KLF7: variants seen among roughly 807,000 people sequenced by gnomAD.
KLF7 encodes the protein Krueppel-like factor 7.
A neutral mutation model predicts 27.3 loss-of-function variants in KLF7; 2 were observed. The observed-to-expected ratio is 0.07, with a 90% CI of 0.03 to 0.23. The LOEUF is 0.23. Among genes scored for constraint, KLF7 ranks in the 10% least tolerant of loss-of-function variants. The pLI is 1.00. For missense variants in KLF7, 221 were observed against 394.1 expected (o/e 0.56, Z 3.72); for synonymous variants, 165 against 162.4 (o/e 1.02, Z -0.12).
chr2:207,093,986 A>G (rs1381397245), intron 2 of KLF7, among the ~76,000 whole-genome samples: 2 of 152,214 alleles, frequency 1.3e-5, no homozygotes, highest in Non-Finnish European at 2.9e-5. Context: ...ACTTCCTGTA[A>G]CTTAATCTCA....
chr2:207,161,693 C>T (rs1217563316), intron 1 of KLF7, among the ~76,000 whole-genome samples: 1 of 152,168 alleles, frequency 6.6e-6, no homozygotes, highest in East Asian at 1.9e-4. Context: ...CTAGAGATTC[C>T]TTATACCAAA....
chr2:207,134,933 A>G (rs555804392), intron 1 of KLF7, among the ~76,000 whole-genome samples: 1 of 152,240 alleles, frequency 6.6e-6, no homozygotes, highest in Admixed American at 6.5e-5. Context: ...CTGGGCATGC[A>G]CACTCTGTAT....
In KLF7 at chr2:207,165,783, G is replaced by C; in HGVS notation, c.-215C>G. 1.4e-6 allele frequency: 2 copies of C among 1,429,700 alleles called. No individual in the cohort carries two copies. The allele number at this position is 1,429,700 out of a possible 1,614,324, so 88.6% of individuals were successfully genotyped here. ...GAGGAGCGAGTGAGTGGGGTGGATGGAGAGAGGCATCCAGCGTGTACAGTG... is the reference window on the plus strand; with the variant it reads ...GAGGAGCGAGTGAGTGGGGTGGATGCAGAGAGGCATCCAGCGTGTACAGTG... On this transcript the variant is annotated 5_prime_UTR_variant, in exon 1 of 4. Coordinates refer to ENST00000309446, the MANE Select transcript of KLF7 (RefSeq NM_003709.4).
intron 2 of KLF7, among the ~76,000 whole-genome samples, chr2:207,107,186 A>G (rs2076903589): frequency 6.6e-6 from 1 of 152,158 alleles, no homozygotes; most frequent in African/African-American, 2.4e-5. Flanking sequence ...AAATCTCAAG[A>G]AAGACTAGGT....
intron 2 of KLF7, among the ~76,000 whole-genome samples, chr2:207,090,045 G>A (rs1372248550): frequency 2.0e-5 from 3 of 151,894 alleles, no homozygotes; most frequent in Non-Finnish European, 4.4e-5. Context: ...TTCTTTATTT[G>A]TATCACCTAG....
At chr2:207,082,934 C>T (rs755241345) in intron 3 of KLF7, among the ~76,000 whole-genome samples, 2 of 152,150 alleles carry the variant, frequency 1.3e-5, no homozygotes, top group African/African-American at 4.8e-5. Context: ...GATAGAACTC[C>T]AAGGGAATGA....
intron 2 of KLF7, among the ~76,000 whole-genome samples, chr2:207,116,794 T>C (rs1011365352): frequency 1.3e-5 from 2 of 152,168 alleles, no homozygotes; most frequent in African/African-American, 4.8e-5. Flanking sequence ...CTTGAAACCT[T>C]TGAATTTATA....
chr2:207,081,106 C>A lies in KLF7; in HGVS notation c.*107G>T. On this transcript the variant is annotated 3_prime_UTR_variant, in exon 4 of 4. Transcript: ENST00000309446. ...GTGTACAGAGGTTTATAAGTGAGAA[C>A]TTTCTTCTGCGAGGCAATGGGTCCC... 1 of 910,012 alleles carries A rather than the reference C, an allele frequency of 1.1e-6. No homozygotes were observed. The highest frequency in any genetic ancestry group is 1.8e-6 in the Non-Finnish European group (1 of 548,058). 56.4% of individuals were successfully genotyped at this position (910,012 alleles called of 1,614,324 possible). A position where few individuals can be genotyped will look rare whatever the true frequency, so the allele number is the denominator to read the frequency against.
chr2:207,114,311 G>A (rs1226661084), intron 2 of KLF7, among the ~76,000 whole-genome samples: 1 of 152,158 alleles, frequency 6.6e-6, no homozygotes, highest in African/African-American at 2.4e-5. Flanking sequence ...TTCAATATGA[G>A]GGATCATTAT....
At chr2:207,095,330 G>A (rs1002066734) in intron 2 of KLF7, among the ~76,000 whole-genome samples, 33 of 152,234 alleles carry the variant, frequency 2.2e-4, no homozygotes, top group Middle Eastern at 3.4e-3. Flanking sequence ...TTACAGGCGT[G>A]AGCCACCACG....
chr2:207,119,443 G>A (rs1000656803), intron 2 of KLF7, among the ~76,000 whole-genome samples: 6 of 144,908 alleles, frequency 4.1e-5, no homozygotes, highest in Admixed American at 7.3e-5. Flanking sequence ...ATTGATTTTT[G>A]CTGAGAATGA....
intron 1 of KLF7, among the ~76,000 whole-genome samples, chr2:207,138,879 G>C (rs1414453957): frequency 1.3e-5 from 2 of 152,236 alleles, no homozygotes; most frequent in Non-Finnish European, 2.9e-5. Context: ...CGATGTTTGT[G>C]TCTGTGTCTG....
At chr2:207,139,440 C>T (rs963231477) in intron 1 of KLF7, among the ~76,000 whole-genome samples, 2 of 151,904 alleles carry the variant, frequency 1.3e-5, no homozygotes, top group African/African-American at 4.8e-5. Flanking sequence ...AACCATACTA[C>T]CAAAAAGACC....
At position 207,081,050 on chromosome 2, in the gene KLF7, AGTGTGTGTATAT is replaced by A. The variant is rs2076258450; in HGVS notation, c.*151_*162del. The A allele has an allele frequency of 3.1e-6, 2 of 646,924 alleles. No individual in the cohort carries two copies. The highest frequency in any genetic ancestry group is 5.0e-5 in the East Asian group (2 of 40,102). 40.1% of individuals were successfully genotyped at this position (646,924 alleles called of 1,614,324 possible). A position where few individuals can be genotyped will look rare whatever the true frequency, so the allele number is the denominator to read the frequency against. The stretch of plus-strand genomic sequence containing the variant: ...CAGTGTGTATGTGTGTGGGTCTGTG[AGTGTGTGTATAT>A]GTGTGTGTGTGTGTGTGTGTGTACA... On this transcript the variant is annotated 3_prime_UTR_variant, in exon 4 of 4. Coordinates refer to ENST00000309446, the MANE Select transcript of KLF7 (RefSeq NM_003709.4).
Sources: gnomAD v4.1 joint callset for allele counts (sites outside exome capture counted in the v4.1 genomes callset) on GRCh38, gnomAD v4.1.1 for gene constraint, MANE v1.5 for transcripts, NCBI Gene and HGNC (gene_info 2026-07-23, HGNC 2026-07-21) for gene names.